Variants in VRTN observed in about 807,000 individuals in gnomAD.
VRTN encodes vertebrae development associated, also known as vertnin.
A neutral mutation model predicts 18.2 loss-of-function variants in VRTN; 5 were observed. The ratio of observed to expected loss-of-function variants is 0.27; its 90% CI spans 0.14 to 0.58. The LOEUF (loss-of-function observed/expected upper bound fraction) is 0.58. VRTN is among the 20% of genes least tolerant of loss of function. The pLI is 0.91. For missense variants in VRTN, 741 were observed against 939.4 expected, an observed-to-expected ratio of 0.79 and a Z score of 2.76; for synonymous variants, 381 against 393.7, an observed-to-expected ratio of 0.97 and a Z score of 0.38.
At chr14:74,321,783 C>T (rs558337179) in intron 1 of VRTN, among the ~76,000 whole-genome samples, 29 of 151,854 alleles carry the variant, frequency 1.9e-4, no homozygotes, top group African/African-American at 6.8e-4. Flanking sequence ...GGATTACAGG[C>T]GTGAGCCACC....
chr14:74,356,860 G>C lies in VRTN; in HGVS notation c.77G>C (p.Gly26Ala), dbSNP rs778446215. 2 of 1,613,968 alleles carry C rather than the reference G, an allele frequency of 1.2e-6. No homozygotes were observed. The highest frequency in any genetic ancestry group is 1.7e-6 in the Non-Finnish European group (2 of 1,179,966). Reference protein sequence around the residue: ...QEAVECEGLEGLIGASLEAKQ... With the variant: ...QEAVECEGLEALIGASLEAKQ... Reference sequence around the variant, plus strand: ...GCAGTGGAGTGCGAAGGCCTGGAGGGTCTCATAGGTGCTTCCTTGGAGGCC... The same window carrying C: ...GCAGTGGAGTGCGAAGGCCTGGAGGCTCTCATAGGTGCTTCCTTGGAGGCC... The change falls in exon 2 of 2, where the codon GGT (glycine) becomes GCT (alanine). Residue 26 changes from glycine to alanine, a missense_variant. Gly to Ala is a moderately conservative substitution (Grantham distance 60). Coordinates refer to ENST00000256362, the MANE Select transcript of VRTN (RefSeq NM_018228.3).
chr14:74,310,866 T>A (rs1049929485), intron 1 of VRTN, among the ~76,000 whole-genome samples: 2 of 151,942 alleles, frequency 1.3e-5, no homozygotes, highest in Non-Finnish European at 2.9e-5. Context: ...TTAAAAAAAA[T>A]TTGGGGGGGT....
chr14:74,350,689 C>A (rs533778040), intron 1 of VRTN, among the ~76,000 whole-genome samples: 4 of 152,102 alleles, frequency 2.6e-5, no homozygotes, highest in Middle Eastern at 3.2e-3. Flanking sequence ...TGTGGTCTTG[C>A]GAAAGCTACT....
At chr14:74,354,913 G>A (rs1173536676) in intron 1 of VRTN, among the ~76,000 whole-genome samples, 1 of 151,868 alleles carries the variant, frequency 6.6e-6, no homozygotes, top group East Asian at 1.9e-4. Flanking sequence ...AACCTGAGGC[G>A]GGCAGATCAT....
chr14:74,358,188 G>T lies in VRTN; in HGVS notation c.1405G>T (p.Glu469Ter). The stretch of plus-strand genomic sequence containing the variant: ...GACTCCCCAGCTAGCATCTGTTGGG[G>T]AAGGGGCTGTAATTCCTTGGAAGAG... ...AGTPQLASVG[E>*]GAVIPWKSEA... The change falls in exon 2 of 2, where the codon GAA becomes TAA. Residue 469 changes from glutamate to a stop codon, truncating the protein, a stop_gained. Transcript: ENST00000256362. LOFTEE classifies it low-confidence loss of function (END_TRUNC). This position sits in a 1 kb window ranked among gnomAD's most constrained non-coding sequence, Gnocchi z 5.4. 1 of 1,613,854 alleles carries T rather than the reference G, an allele frequency of 6.2e-7. No homozygotes were observed. The highest frequency in any genetic ancestry group is 8.5e-7 in the Non-Finnish European group (1 of 1,179,974).
intron 1 of VRTN, among the ~76,000 whole-genome samples, chr14:74,325,222 T>C (rs981312193): frequency 4.6e-5 from 7 of 152,208 alleles, no homozygotes; most frequent in Non-Finnish European, 7.4e-5. Flanking sequence ...GGACAGCTCC[T>C]GTGGGCCATC....
chr14:74,321,505 CTTTTTTTT>C (rs564056249), intron 1 of VRTN, among the ~76,000 whole-genome samples: 2 of 129,130 alleles, frequency 1.5e-5, no homozygotes, highest in Non-Finnish European at 3.3e-5. Context: ...CTTTCATTTG[CTTTTTTTT>C]TTTTTTTTTT....
At chr14:74,313,024 C>T (rs1046099961) in intron 1 of VRTN, among the ~76,000 whole-genome samples, 2 of 312 alleles carry the variant, frequency 6.4e-3, no homozygotes, top group Non-Finnish European at 0.013. Context: ...TACAGGCATG[C>T]GCGCTGCGCC....
chr14:74,325,112 C>G (rs1335646722), intron 1 of VRTN, among the ~76,000 whole-genome samples: 2 of 151,950 alleles, frequency 1.3e-5, no homozygotes, highest in Non-Finnish European at 2.9e-5. Context: ...TTTTTCGCAT[C>G]TTGGGAACAA....
intron 1 of VRTN, among the ~76,000 whole-genome samples, chr14:74,310,539 T>TG (rs1216757774): frequency 6.7e-6 from 1 of 149,510 alleles, no homozygotes; most frequent in Non-Finnish European, 1.5e-5. Context: ...CTCTGTTTTT[T>TG]TTTTTTTTTT....
chr14:74,316,525 C>T (rs1208862408), intron 1 of VRTN, among the ~76,000 whole-genome samples: 1 of 151,198 alleles, frequency 6.6e-6, no homozygotes, highest in African/African-American at 2.4e-5. Flanking sequence ...AACAAACAAA[C>T]AAATGAACAA....
At chr14:74,314,908 G>C (rs2085410439) in intron 1 of VRTN, among the ~76,000 whole-genome samples, 1 of 152,066 alleles carries the variant, frequency 6.6e-6, no homozygotes, top group African/African-American at 2.4e-5. Flanking sequence ...AAGGTCTTAT[G>C]GTCTATTTTC....
At chr14:74,331,241 G>A (rs1312706202) in intron 1 of VRTN, among the ~76,000 whole-genome samples, 1 of 139,094 alleles carries the variant, frequency 7.2e-6, no homozygotes, top group African/African-American at 2.8e-5. Flanking sequence ...CAAACCACAA[G>A]TCTGGGCTGG....
At chr14:74,349,757 G>A (rs1156988487) in intron 1 of VRTN, among the ~76,000 whole-genome samples, 1 of 152,188 alleles carries the variant, frequency 6.6e-6, no homozygotes, top group Non-Finnish European at 1.5e-5. Flanking sequence ...GGAGCGGGGA[G>A]GCTGACCTTG....
intron 1 of VRTN, among the ~76,000 whole-genome samples, chr14:74,328,429 A>G (rs2085501280): frequency 6.6e-6 from 1 of 152,208 alleles, no homozygotes; most frequent in Non-Finnish European, 1.5e-5. Context: ...ATAAAAATAT[A>G]TAAATAAATA....
intron 1 of VRTN, among the ~76,000 whole-genome samples, chr14:74,321,980 A>G (rs1044722407): frequency 5.9e-5 from 9 of 151,914 alleles, no homozygotes; most frequent in Non-Finnish European, 1.0e-4. Context: ...AGCTGAGACT[A>G]CAGGTGTGTG....
chr14:74,327,245 C>A (rs1595167190), intron 1 of VRTN, among the ~76,000 whole-genome samples: 1 of 152,274 alleles, frequency 6.6e-6, no homozygotes, highest in East Asian at 1.9e-4. Context: ...TCCAGAGGCT[C>A]ACCCCAAGCC....
chr14:74,328,439 ATG>A (rs1325471689), intron 1 of VRTN, among the ~76,000 whole-genome samples: 1 of 152,146 alleles, frequency 6.6e-6, no homozygotes, highest in Non-Finnish European at 1.5e-5. Context: ...ATAAATAAAT[ATG>A]TGTCTACAGA....
At chr14:74,329,962 T>C (rs1476202797) in intron 1 of VRTN, among the ~76,000 whole-genome samples, 1 of 150,584 alleles carries the variant, frequency 6.6e-6, no homozygotes, top group Non-Finnish European at 1.5e-5. Flanking sequence ...AACCTCTGCC[T>C]CCCGGTTCAA....
Sources: allele counts gnomAD v4.1 joint callset (sites outside exome capture counted in the v4.1 genomes callset), GRCh38; gene constraint gnomAD v4.1.1; non-coding constraint Gnocchi (gnomAD v3.1); transcripts MANE v1.5; gene names NCBI Gene and HGNC (gene_info 2026-07-23, HGNC 2026-07-21).